The following HSD17B4 variants were observed in gnomAD, a reference collection of about 807,000 sequenced individuals.
The protein encoded by HSD17B4 is peroxisomal multifunctional enzyme type 2.
A neutral mutation model predicts 101.0 loss-of-function variants in HSD17B4; 70 were observed. The observed-to-expected ratio is 0.69, with a 90% CI of 0.57 to 0.85. The LOEUF (loss-of-function observed/expected upper bound fraction) is 0.85, where lower values mean the gene tolerates loss of function less well. Ranked by LOEUF, HSD17B4 falls within the 40% of genes least tolerant of loss-of-function variation. The probability of loss-of-function intolerance (pLI) is 0.00; values close to 1 mark genes in which losing one functional copy is unlikely to be tolerated. For missense variants in HSD17B4, 984 were observed against 892.4 expected (o/e 1.10, Z -1.31); for synonymous variants, 347 against 297.1 (o/e 1.17, Z -1.73).
intron 6 of HSD17B4, 66 bp downstream of exon 6, chr5:119,475,936 A>G: frequency 1.6e-6 from 2 of 1,215,358 alleles, no homozygotes; most frequent in Admixed American, 1.7e-5. Flanking sequence ...GTATTTGATA[A>G]ATTTATACAT....
chr5:119,541,271 ATTACT>A (rs1253618591), intron 23 of HSD17B4, among the ~76,000 whole-genome samples: 6 of 152,108 alleles, frequency 3.9e-5, no homozygotes, highest in Non-Finnish European at 5.9e-5. Context: ...CACTCTACAC[ATTACT>A]TTATTTAACA....
chr5:119,531,274 G>A lies in HSD17B4; in HGVS notation c.1863G>A (p.Lys621=), dbSNP rs1580711075. 1 of 1,613,620 alleles carries A rather than the reference G, an allele frequency of 6.2e-7. No individual in the cohort carries two copies. The highest frequency in any genetic ancestry group is 8.5e-7 in the Non-Finnish European group (1 of 1,179,700). The change falls in exon 22 of 24, where the codon AAG becomes AAA. Residue 621 remains lysine (K), a synonymous_variant. Transcript: ENST00000510025. ...TSAKTPSEGG[K]LQSTFVFEEI... ...TTTGTTGTCGTTGTTAGGGCGGGAAGCTTCAGAGTACCTTTGTATTTGAGG... is the reference window on the plus strand; with the variant it reads ...TTTGTTGTCGTTGTTAGGGCGGGAAACTTCAGAGTACCTTTGTATTTGAGG...
chr5:119,464,522 T>A (rs1263079530), intron 2 of HSD17B4: 1 of 152,208 alleles, frequency 6.6e-6, no homozygotes, highest in African/African-American at 2.4e-5. Flanking sequence ...ATTTCTGTGT[T>A]ATCTATTCTG....
intron 8 of HSD17B4, among the ~76,000 whole-genome samples, chr5:119,479,992 C>T (rs1237600511): frequency 1.3e-5 from 2 of 152,246 alleles, no homozygotes; most frequent in South Asian, 2.1e-4. Flanking sequence ...TTCACATCCT[C>T]GCCAGCATTT....
chr5:119,475,745 AT>A lies in HSD17B4; in HGVS notation c.302+23del. The A allele has an allele frequency of 6.3e-7, 1 of 1,590,082 alleles. No homozygotes were observed. Among genetic ancestry groups the A allele is most frequent in the Non-Finnish European group, 8.6e-7 (1 of 1,159,248 alleles). On this transcript the variant is annotated intron_variant, in intron 5 of 23. Coordinates refer to ENST00000510025, the MANE Select transcript of HSD17B4 (RefSeq NM_000414.4). ...AATGCTGGGTGAGTATTTCTTTTTC[AT>A]TTTTAGTGATGTGTGTATAATTTTT...
At chr5:119,520,962 C>A (rs1210280723) in intron 17 of HSD17B4, among the ~76,000 whole-genome samples, 1 of 152,162 alleles carries the variant, frequency 6.6e-6, no homozygotes, top group Non-Finnish European at 1.5e-5. Flanking sequence ...GAGCATTTAA[C>A]ATTTATGTAT....
intron 15 of HSD17B4, among the ~76,000 whole-genome samples, chr5:119,507,713 G>A (rs1457478795): frequency 4.6e-5 from 7 of 151,598 alleles, no homozygotes; most frequent in Non-Finnish European, 1.0e-4. Context: ...GAACCCTGGA[G>A]GCAGAGCATG....
intron 20 of HSD17B4, 133 bp from the exon 21 acceptor site, chr5:119,529,761 A>G: frequency 1.6e-6 from 1 of 638,114 alleles, no homozygotes; most frequent in South Asian, 1.8e-5. Context: ...GCAGCCTTTT[A>G]TTTTATCTGG....
chr5:119,481,726 C>T (rs991048555), intron 8 of HSD17B4, among the ~76,000 whole-genome samples: 6 of 152,106 alleles, frequency 3.9e-5, no homozygotes, highest in Non-Finnish European at 7.4e-5. Flanking sequence ...CACTGATAGA[C>T]TTGCCTGATG....
At chr5:119,469,342 A>G (rs1047590699) in intron 2 of HSD17B4, among the ~76,000 whole-genome samples, 2 of 148,556 alleles carry the variant, frequency 1.3e-5, no homozygotes, top group Admixed American at 6.7e-5. Flanking sequence ...AAAGAAAGGT[A>G]TCTATTTTTA....
Position 119,456,374 on chromosome 5 carries a change from T to C in HSD17B4, c.112+6T>C, listed in dbSNP as rs759590583. ...AAGAGGAGCGTTAGTTGTTGGTAAG[T>C]TGGTGTGTTTTTCTTTTTAATCTGT... is the stretch of plus-strand genomic sequence containing the variant. On this transcript the variant is annotated splice_donor_region_variant and intron_variant, in intron 2 of 23. Transcript: ENST00000510025. The C allele has an allele frequency of 1.3e-6, 2 of 1,584,532 alleles. No individual in the cohort carries two copies. The highest frequency in any genetic ancestry group is 2.2e-5 in the East Asian group (1 of 44,760).
chr5:119,458,975 T>A (rs1580502414), intron 2 of HSD17B4, among the ~76,000 whole-genome samples: 1 of 152,208 alleles, frequency 6.6e-6, no homozygotes, highest in African/African-American at 2.4e-5. Flanking sequence ...CAAAAAGAAC[T>A]CCTTAGTAAA....
chr5:119,503,553 C>T (rs959882256), intron 14 of HSD17B4, among the ~76,000 whole-genome samples: 1 of 152,084 alleles, frequency 6.6e-6, no homozygotes, highest in Non-Finnish European at 1.5e-5. Flanking sequence ...TGTTTATAAT[C>T]TACTACTGTT....
intron 21 of HSD17B4, 86 bp from the exon 22 acceptor site, chr5:119,531,180 C>CT (rs1754061055): frequency 6.7e-5 from 92 of 1,382,660 alleles, no homozygotes; most frequent in Middle Eastern, 3.8e-4. Flanking sequence ...TTTAAAAAAT[C>CT]TTTTTTTTGC....
Position 119,499,535 on chromosome 5 carries a change from T to C in HSD17B4, c.1191T>C (p.Leu397=). ...MGGGLAEIPG[L]SINFAKVLHG... ...GAGGATTAGCAGAAATTCCTGGACT[T>C]TCAATCAACTTTGCAAAGGTATGCC... The change falls in exon 13 of 24, where the codon CTT becomes CTC. Residue 397 remains leucine (L), a synonymous_variant. Coordinates refer to ENST00000510025, the MANE Select transcript of HSD17B4 (RefSeq NM_000414.4). 2.5e-6 allele frequency: 4 copies of C among 1,610,170 alleles called. No homozygotes were observed. Among genetic ancestry groups the C allele is most frequent in the Non-Finnish European group, 3.4e-6 (4 of 1,176,476 alleles).
intron 2 of HSD17B4, among the ~76,000 whole-genome samples, chr5:119,460,501 C>T (rs116590922): frequency 0.021 from 3,157 of 152,238 alleles, 105 homozygotes; most frequent in African/African-American, 0.069. Flanking sequence ...TTTAGAGTAG[C>T]TCTTAGCTAT....
chr5:119,453,086 G>A (rs898850410), intron 1 of HSD17B4, among the ~76,000 whole-genome samples: 3 of 152,252 alleles, frequency 2.0e-5, no homozygotes, highest in Non-Finnish European at 4.4e-5. Context: ...TCATTCGGTC[G>A]TTCAGTGTTT....
chr5:119,469,772 G>A (rs1196790230), intron 2 of HSD17B4, among the ~76,000 whole-genome samples: 12 of 151,014 alleles, frequency 7.9e-5, no homozygotes. Context: ...CTATGTATCA[G>A]TTAGGTTAGG....
intron 13 of HSD17B4, among the ~76,000 whole-genome samples, chr5:119,500,605 C>A (rs1751071183): frequency 1.3e-5 from 2 of 151,888 alleles, no homozygotes; most frequent in African/African-American, 2.4e-5. Context: ...GGGTCCTTAG[C>A]ATTTACGTGA....
Sources: allele counts gnomAD v4.1 joint callset (sites outside exome capture counted in the v4.1 genomes callset), GRCh38; gene constraint gnomAD v4.1.1; transcripts MANE v1.5; gene names NCBI Gene and HGNC (gene_info 2026-07-23, HGNC 2026-07-21).